TRIM2: variants seen among roughly 807,000 people sequenced by gnomAD.
TRIM2 encodes tripartite motif-containing protein 2.
TRIM2 carries 20 observed loss-of-function variants against 75.2 expected under a neutral mutation model. That is an observed-to-expected ratio of 0.27 (90% confidence interval 0.19 to 0.39). TRIM2 has a LOEUF of 0.39. Ranked by LOEUF, TRIM2 falls within the 10% of genes least tolerant of loss-of-function variation. The probability of loss-of-function intolerance (pLI) is 1.00; values close to 1 mark genes in which losing one functional copy is unlikely to be tolerated. For missense variants in TRIM2, 660 were observed against 990.8 expected, an observed-to-expected ratio of 0.67 and a Z score of 4.48; for synonymous variants, 373 against 388.3, an observed-to-expected ratio of 0.96 and a Z score of 0.46.
intron 1 of TRIM2, chr4:153,222,295 C>T (rs2149765032): frequency 1.3e-5 from 2 of 152,204 alleles, no homozygotes; most frequent in Middle Eastern, 6.8e-3. Flanking sequence ...CCCGTTTCAG[C>T]TCTCTCAGCC....
intron 1 of TRIM2, among the ~76,000 whole-genome samples, chr4:153,170,597 A>G (rs916298251): frequency 6.6e-6 from 1 of 152,184 alleles, no homozygotes; most frequent in Admixed American, 6.5e-5. Context: ...AATGCTGAGC[A>G]CATTCACCCA....
chr4:153,216,453 C>T (rs191471536), intron 1 of TRIM2, among the ~76,000 whole-genome samples: 10 of 152,284 alleles, frequency 6.6e-5, no homozygotes, highest in Admixed American at 6.5e-4. Flanking sequence ...ACTCCAGTTG[C>T]AACTTTCATG....
At chr4:153,327,389 G>T (rs934871413) in intron 10 of TRIM2, among the ~76,000 whole-genome samples, 1 of 152,154 alleles carries the variant, frequency 6.6e-6, no homozygotes, top group Admixed American at 6.5e-5. Context: ...ACAACAGGTG[G>T]CTCTCTAAAA....
At chr4:153,247,955 TG>T (rs1363091281) in intron 1 of TRIM2, among the ~76,000 whole-genome samples, 2 of 151,684 alleles carry the variant, frequency 1.3e-5, no homozygotes, top group Non-Finnish European at 2.9e-5. Flanking sequence ...TAATAATTTA[TG>T]TTCTGACTGC....
chr4:153,194,971 T>A (rs2149667263), intron 1 of TRIM2, among the ~76,000 whole-genome samples: 1 of 152,366 alleles, frequency 6.6e-6, no homozygotes, highest in South Asian at 2.1e-4. Flanking sequence ...CCCCAGAAGA[T>A]ATGTCTACGT....
chr4:153,189,568 C>A (rs1291310258), intron 1 of TRIM2, among the ~76,000 whole-genome samples: 1 of 152,088 alleles, frequency 6.6e-6, no homozygotes, highest in Admixed American at 6.6e-5. Flanking sequence ...TGCCTAATAT[C>A]CCCTGTCCAC....
intron 1 of TRIM2, among the ~76,000 whole-genome samples, chr4:153,172,241 G>A (rs143153601): frequency 6.6e-6 from 1 of 151,966 alleles, no homozygotes; most frequent in Non-Finnish European, 1.5e-5. Context: ...AGGCCGGAGT[G>A]CAGTGGTGCT....
intron 1 of TRIM2, among the ~76,000 whole-genome samples, chr4:153,221,139 A>C (rs1739855828): frequency 6.6e-6 from 1 of 152,218 alleles, no homozygotes; most frequent in Admixed American, 6.5e-5. Flanking sequence ...GTATTTATAT[A>C]ATATAACATT....
rs1318500199 is a variant in TRIM2 at position 153,270,405 on chromosome 4, A to G, written c.101A>G (p.Asn34Ser). 1 of 1,614,070 alleles carries G rather than the reference A, an allele frequency of 6.2e-7. No homozygotes were observed. Among genetic ancestry groups the G allele is most frequent in the African/African-American group, 1.3e-5 (1 of 75,044 alleles). Residue 34 changes from asparagine (N) to serine (S), a missense_variant, in exon 2 of 12, where the codon AAC becomes AGC. Physicochemically the swap from Asn to Ser is conservative, Grantham distance 46 (BLOSUM62 1). This residue lies in a region of TRIM2 where 620 missense variants were observed against 891.0 expected (regional missense o/e 0.70). Transcript: ENST00000338700. Reference protein sequence around the residue: ...QWSRMASEGTNIPSPVVRQID... With the variant: ...QWSRMASEGTSIPSPVVRQID... ...TCTAGGATGGCCAGTGAAGGCACCAACATCCCAAGTCCTGTGGTGCGCCAG... is the reference window on the plus strand; with the variant it reads ...TCTAGGATGGCCAGTGAAGGCACCAGCATCCCAAGTCCTGTGGTGCGCCAG...
intron 1 of TRIM2, among the ~76,000 whole-genome samples, chr4:153,250,050 A>G (rs1750474121): frequency 6.6e-6 from 1 of 151,810 alleles, no homozygotes; most frequent in African/African-American, 2.4e-5. Flanking sequence ...AGGAGTAGAC[A>G]TGTTATTACT....
chr4:153,216,253 G>T (rs946973742), intron 1 of TRIM2, among the ~76,000 whole-genome samples: 3 of 152,196 alleles, frequency 2.0e-5, no homozygotes, highest in African/African-American at 7.2e-5. Context: ...AGTCAAAGAA[G>T]ATCAATGTAT....
At chr4:153,191,710 G>A (rs1483414693) in intron 1 of TRIM2, among the ~76,000 whole-genome samples, 2 of 152,274 alleles carry the variant, frequency 1.3e-5, no homozygotes, top group East Asian at 1.9e-4. Flanking sequence ...AAATAAGTGA[G>A]CCTGATGACA....
chr4:153,310,609 A>T (rs1055811080), intron 6 of TRIM2, among the ~76,000 whole-genome samples: 3 of 152,176 alleles, frequency 2.0e-5, no homozygotes, highest in African/African-American at 7.2e-5. Context: ...GGAGTAACAC[A>T]CTGATTCTGC....
At chr4:153,154,661 T>A (rs1729056187) in intron 1 of TRIM2, among the ~76,000 whole-genome samples, 2 of 152,094 alleles carry the variant, frequency 1.3e-5, no homozygotes, top group South Asian at 4.1e-4. Flanking sequence ...ATAATAATCC[T>A]CAGAAAAGTA....
At chr4:153,233,417 T>G (rs1433935658) in intron 1 of TRIM2, among the ~76,000 whole-genome samples, 1 of 152,176 alleles carries the variant, frequency 6.6e-6, no homozygotes, top group East Asian at 1.9e-4. Flanking sequence ...ATTGATTACT[T>G]TACTTACAGT....
At chr4:153,170,147 G>A (rs1005015337) in intron 1 of TRIM2, among the ~76,000 whole-genome samples, 4 of 152,160 alleles carry the variant, frequency 2.6e-5, no homozygotes, top group Non-Finnish European at 4.4e-5. Context: ...AGGAGGAAGA[G>A]GGGGAAAAGG....
At chr4:153,201,797 T>A (rs567698357), upstream of TRIM2, among the ~76,000 whole-genome samples, 9 of 152,352 alleles carry the variant, frequency 5.9e-5, no homozygotes, top group South Asian at 1.9e-3. Flanking sequence ...CTTTTTAAAA[T>A]GACAGGATCC....
At chr4:153,233,196 A>T (rs989818465) in intron 1 of TRIM2, among the ~76,000 whole-genome samples, 1 of 152,208 alleles carries the variant, frequency 6.6e-6, no homozygotes, top group Non-Finnish European at 1.5e-5. Context: ...CTCTACTTCC[A>T]AAGCCAAAGA....
intron 1 of TRIM2, among the ~76,000 whole-genome samples, chr4:153,239,282 G>A (rs1745850820): frequency 6.6e-6 from 1 of 151,438 alleles, no homozygotes; most frequent in African/African-American, 2.4e-5. Flanking sequence ...AACGCGGGAG[G>A]CAGAGCTTGC....
Sources: allele counts gnomAD v4.1 joint callset (sites outside exome capture counted in the v4.1 genomes callset), GRCh38; gene constraint gnomAD v4.1.1; regional missense constraint gnomAD v4.1.1; transcripts MANE v1.5; gene names NCBI Gene and HGNC (gene_info 2026-07-23, HGNC 2026-07-21).